Variants in GRIK1 observed in about 807,000 individuals in gnomAD.
GRIK1 encodes the protein glutamate receptor ionotropic, kainate 1.
In GRIK1, 69 loss-of-function variants were observed where a neutral mutation model predicts 105.7. The ratio of observed to expected loss-of-function variants is 0.65; its 90% CI spans 0.54 to 0.80. The LOEUF is 0.80. Among genes scored for constraint, GRIK1 ranks in the 30% least tolerant of loss-of-function variants. GRIK1 has a pLI of 0.00. For synonymous variants in GRIK1, 438 were observed against 431.3 expected (o/e 1.02, Z -0.19); for missense variants, 1,109 against 1,167.3 (o/e 0.95, Z 0.73).
intron 1 of GRIK1, among the ~76,000 whole-genome samples, chr21:29,774,380 G>T (rs1051068017): frequency 5.3e-5 from 8 of 151,780 alleles, no homozygotes; most frequent in Admixed American, 6.6e-5. Flanking sequence ...TGGAACAGAG[G>T]TAAAGGAAAC....
intron 1 of GRIK1, among the ~76,000 whole-genome samples, chr21:29,894,567 G>A (rs951119361): frequency 4.6e-5 from 7 of 151,750 alleles, no homozygotes; most frequent in Non-Finnish European, 8.8e-5. Context: ...TTCCTAGTTC[G>A]CTGACTCAAA....
chr21:29,906,979 A>C (rs73898536), intron 1 of GRIK1, among the ~76,000 whole-genome samples: 2,478 of 151,926 alleles, frequency 0.016, 70 homozygotes, highest in African/African-American at 0.055. Flanking sequence ...CTTACTACAG[A>C]CCTGAAATCT....
At chr21:29,921,197 G>A (rs1477975973) in intron 1 of GRIK1, among the ~76,000 whole-genome samples, 1 of 139,716 alleles carries the variant, frequency 7.2e-6, no homozygotes, top group Admixed American at 7.0e-5. Context: ...ATTGCCAAAT[G>A]TCCCCTGGAA....
intron 7 of GRIK1, among the ~76,000 whole-genome samples, chr21:29,616,249 A>T (rs1056490386): frequency 1.3e-5 from 2 of 152,166 alleles, no homozygotes; most frequent in African/African-American, 4.8e-5. Flanking sequence ...GACACAGGAG[A>T]CTGACTGAAC....
intron 7 of GRIK1, among the ~76,000 whole-genome samples, chr21:29,632,868 G>T (rs184168256): frequency 2.1e-3 from 324 of 152,300 alleles, no homozygotes; most frequent in African/African-American, 7.3e-3. Context: ...TCTTGTTGGA[G>T]ACTGTTCACC....
At chr21:29,715,153 G>A (rs1466380794) in intron 1 of GRIK1, among the ~76,000 whole-genome samples, 1 of 152,168 alleles carries the variant, frequency 6.6e-6, no homozygotes, top group East Asian at 1.9e-4. Flanking sequence ...ATTCAGGGTT[G>A]TTCAGGAATG....
At chr21:29,877,207 T>C (rs1169059779) in intron 1 of GRIK1, among the ~76,000 whole-genome samples, 3 of 152,208 alleles carry the variant, frequency 2.0e-5, no homozygotes, top group African/African-American at 4.8e-5. Context: ...ACAGCTCCTT[T>C]ATATTTTATA....
intron 1 of GRIK1, among the ~76,000 whole-genome samples, chr21:29,772,131 A>T (rs1287044851): frequency 6.6e-6 from 1 of 152,020 alleles, no homozygotes; most frequent in Non-Finnish European, 1.5e-5. Flanking sequence ...TTACAGGCAC[A>T]TTTTTTTTCA....
chr21:29,801,123 C>G (rs1247976791), intron 1 of GRIK1, among the ~76,000 whole-genome samples: 1 of 151,950 alleles, frequency 6.6e-6, no homozygotes, highest in Non-Finnish European at 1.5e-5. Context: ...TGACTAGGGA[C>G]AGAAATGAGC....
chr21:29,872,008 T>C (rs888454926), intron 1 of GRIK1, among the ~76,000 whole-genome samples: 6 of 151,408 alleles, frequency 4.0e-5, no homozygotes, highest in African/African-American at 1.5e-4. Flanking sequence ...AAGCAATCCA[T>C]CCACCCCAGC....
At chr21:29,672,720 C>T (rs541544586) in intron 4 of GRIK1, among the ~76,000 whole-genome samples, 1 of 152,250 alleles carries the variant, frequency 6.6e-6, no homozygotes, top group South Asian at 2.1e-4. Context: ...CTCTCATCTT[C>T]AGCTGGTAGG....
chr21:29,934,401 T>A (rs1462683416), intron 1 of GRIK1, among the ~76,000 whole-genome samples: 1 of 152,174 alleles, frequency 6.6e-6, no homozygotes, highest in Non-Finnish European at 1.5e-5. Flanking sequence ...CATGTTAACG[T>A]TAGTCAGGCA....
chr21:29,857,861 C>G (rs1407228970), intron 1 of GRIK1, among the ~76,000 whole-genome samples: 1 of 152,140 alleles, frequency 6.6e-6, no homozygotes, highest in African/African-American at 2.4e-5. Flanking sequence ...CACTAAATTT[C>G]ATCACCCCCT....
intron 4 of GRIK1, among the ~76,000 whole-genome samples, chr21:29,655,549 C>T (rs1290016713): frequency 6.6e-6 from 1 of 152,120 alleles, no homozygotes; most frequent in Non-Finnish European, 1.5e-5. Context: ...TCCCTACTTA[C>T]GACTTAGCAT....
chr21:29,890,140 G>A (rs1211049634), intron 1 of GRIK1, among the ~76,000 whole-genome samples: 1 of 151,966 alleles, frequency 6.6e-6, no homozygotes, highest in South Asian at 2.1e-4. Context: ...TCCCCAATTA[G>A]ACTTCAAAAT....
intron 1 of GRIK1, among the ~76,000 whole-genome samples, chr21:29,928,312 A>G (rs1158516015): frequency 6.6e-6 from 1 of 152,180 alleles, no homozygotes; most frequent in Non-Finnish European, 1.5e-5. Flanking sequence ...CCACAGCAGT[A>G]TTTACAGCTT....
chr21:29,904,681 C>G (rs562785430), intron 1 of GRIK1, among the ~76,000 whole-genome samples: 139 of 152,230 alleles, frequency 9.1e-4, no homozygotes, highest in African/African-American at 3.1e-3. Context: ...GTGCAGGGAC[C>G]AGGATGGGCC....
At chr21:29,751,189 C>T (rs938794132) in intron 1 of GRIK1, among the ~76,000 whole-genome samples, 3 of 152,184 alleles carry the variant, frequency 2.0e-5, no homozygotes, top group African/African-American at 7.2e-5. Flanking sequence ...GTGCAGGTCA[C>T]AGGGGATATG....
chr21:29,561,182 C>T (rs2090470812), intron 15 of GRIK1, among the ~76,000 whole-genome samples: 1 of 152,108 alleles, frequency 6.6e-6, no homozygotes, highest in African/African-American at 2.4e-5. Flanking sequence ...ACTGATATAG[C>T]CTTGCTTTTT....
Sources: gnomAD v4.1 joint callset for allele counts (sites outside exome capture counted in the v4.1 genomes callset) on GRCh38, gnomAD v4.1.1 for gene constraint, MANE v1.5 for transcripts, NCBI Gene and HGNC (gene_info 2026-07-23, HGNC 2026-07-21) for gene names.